The following SNX29 variants were observed in gnomAD, a reference collection of about 807,000 sequenced individuals.
SNX29 encodes sorting nexin 29.
In SNX29, 78 loss-of-function variants were observed where a neutral mutation model predicts 102.1. The observed-to-expected ratio is 0.76, with a 90% confidence interval of 0.64 to 0.92. The LOEUF (loss-of-function observed/expected upper bound fraction) is 0.92. SNX29 is among the 40% of genes least tolerant of loss of function. The pLI is 0.00. For synonymous variants in SNX29, 580 were observed against 414.5 expected, an observed-to-expected ratio of 1.40 and a Z score of -4.85; for missense variants, 1,280 against 1,061.7, an observed-to-expected ratio of 1.21 and a Z score of -2.86.
chr16:12,440,627 G>A (rs2085756701), intron 18 of SNX29, among the ~76,000 whole-genome samples: 1 of 152,036 alleles, frequency 6.6e-6, no homozygotes, highest in South Asian at 2.1e-4. Context: ...CCAGTGTGTG[G>A]TGTTTCCCTC....
At chr16:12,133,349 G>C (rs1346167906) in intron 13 of SNX29, among the ~76,000 whole-genome samples, 1 of 132,482 alleles carries the variant, frequency 7.5e-6, no homozygotes, top group Non-Finnish European at 1.5e-5. Flanking sequence ...GGAGTGCAGT[G>C]ATGCGATCTC....
chr16:12,566,641 G>C (rs921941057), intron 20 of SNX29, among the ~76,000 whole-genome samples: 5 of 152,206 alleles, frequency 3.3e-5, no homozygotes, highest in Admixed American at 6.5e-5. Context: ...CCTCCTTCCA[G>C]CATCTTTGAA....
At chr16:12,013,498 AAAATATATAT>A (rs1301423688) in intron 3 of SNX29, among the ~76,000 whole-genome samples, 501 of 33,504 alleles carry the variant, frequency 0.015, 55 homozygotes, top group African/African-American at 0.051. Flanking sequence ...GAAAAAAAAA[AAAATATATAT>A]ATATATATAT....
intron 11 of SNX29, chr16:12,081,714 A>T (rs1428872263): frequency 6.6e-6 from 1 of 152,078 alleles, no homozygotes; most frequent in Admixed American, 6.6e-5. Context: ...AAGAAAAGAA[A>T]AAAAAAGCTA....
rs780685011 is a variant in SNX29, at chr16:12,404,147, C to G, written c.2037+618C>G. Reference sequence around the variant, plus strand: ...GTCTGAGAGTGGGGAAAGGAGATTCCCCAAATGAGAGCCAGAGAATTCTTT... The same window carrying G: ...GTCTGAGAGTGGGGAAAGGAGATTCGCCAAATGAGAGCCAGAGAATTCTTT... On this transcript the variant is annotated intron_variant, in intron 18 of 20. Coordinates refer to ENST00000566228, the MANE Select transcript of SNX29 (RefSeq NM_032167.5). Among the ~76,000 whole-genome samples, 8 of 152,216 alleles carry G rather than the reference C, an allele frequency of 5.3e-5. No individual in the cohort carries two copies. The East Asian group carries it at 1.5e-3, about 29-fold the overall frequency.
chr16:12,549,093 G>A (rs1250809204), intron 20 of SNX29, among the ~76,000 whole-genome samples: 6 of 152,222 alleles, frequency 3.9e-5, no homozygotes, highest in Non-Finnish European at 7.3e-5. Context: ...CCCTGTTACA[G>A]TGTCATTTCT....
intron 19 of SNX29, among the ~76,000 whole-genome samples, chr16:12,492,905 C>G (rs886973672): frequency 2.6e-5 from 4 of 152,160 alleles, no homozygotes; most frequent in African/African-American, 9.7e-5. Flanking sequence ...TGTTTTGGTA[C>G]CAGTAAAATG....
intron 20 of SNX29, among the ~76,000 whole-genome samples, chr16:12,526,397 A>T (rs1248726233): frequency 6.6e-6 from 1 of 152,160 alleles, no homozygotes; most frequent in African/African-American, 2.4e-5. Context: ...TGTCTCCAAG[A>T]TGGTTGCTTA....
At chr16:12,025,603 C>G (rs1465521413) in intron 3 of SNX29, among the ~76,000 whole-genome samples, 1 of 152,130 alleles carries the variant, frequency 6.6e-6, no homozygotes, top group African/African-American at 2.4e-5. Context: ...CTAATAGGCT[C>G]CCTTCTGTGC....
chr16:12,254,249 C>G (rs569779865), intron 14 of SNX29, among the ~76,000 whole-genome samples: 4 of 152,078 alleles, frequency 2.6e-5, no homozygotes, highest in Non-Finnish European at 5.9e-5. Context: ...GTATTGAAAG[C>G]CCCAAAACTG....
intron 15 of SNX29, among the ~76,000 whole-genome samples, chr16:12,334,005 G>A (rs158467): frequency 6.6e-6 from 1 of 152,050 alleles, no homozygotes; most frequent in Non-Finnish European, 1.5e-5. Context: ...GCTGATGGGT[G>A]TGTTTGTTAA....
intron 14 of SNX29, among the ~76,000 whole-genome samples, chr16:12,230,903 G>C (rs979615163): frequency 1.2e-4 from 19 of 152,242 alleles, no homozygotes; most frequent in African/African-American, 4.6e-4. Context: ...CTGGAGTGCA[G>C]TGCCATGATC....
At chr16:12,297,008 G>A (rs1175761271) in intron 15 of SNX29, among the ~76,000 whole-genome samples, 1 of 152,224 alleles carries the variant, frequency 6.6e-6, no homozygotes, top group Non-Finnish European at 1.5e-5. Context: ...CCCCACAACT[G>A]TGATAATCAC....
At chr16:12,142,141 T>A (rs1001564856) in intron 13 of SNX29, among the ~76,000 whole-genome samples, 2 of 152,236 alleles carry the variant, frequency 1.3e-5, no homozygotes, top group Non-Finnish European at 2.9e-5. Context: ...TCCCTTTCAG[T>A]TGCCCCGATC....
intron 14 of SNX29, among the ~76,000 whole-genome samples, chr16:12,274,494 T>G (rs767265664): frequency 1.3e-5 from 2 of 152,114 alleles, no homozygotes; most frequent in African/African-American, 2.4e-5. Context: ...TCTCCTTTCT[T>G]GATCTCTTCT....
intron 14 of SNX29, among the ~76,000 whole-genome samples, chr16:12,230,557 G>A (rs1386314567): frequency 6.6e-6 from 1 of 152,170 alleles, no homozygotes; most frequent in Admixed American, 6.5e-5. Flanking sequence ...CAACATTAGG[G>A]GAAATGCCAA....
chr16:12,148,310 C>G (rs1028109457), intron 13 of SNX29, among the ~76,000 whole-genome samples: 1 of 152,108 alleles, frequency 6.6e-6, no homozygotes, highest in African/African-American at 2.4e-5. Flanking sequence ...GGCGACCTAG[C>G]GTGGGATAGG....
At chr16:12,220,217 C>T (rs2077439962) in intron 14 of SNX29, among the ~76,000 whole-genome samples, 1 of 151,302 alleles carries the variant, frequency 6.6e-6, no homozygotes, top group Non-Finnish European at 1.5e-5. Flanking sequence ...TCCAGGTGCT[C>T]AAACAGTTTA....
intron 13 of SNX29, chr16:12,135,535 G>A (rs1205645215): frequency 7.6e-7 from 1 of 1,321,708 alleles, no homozygotes; most frequent in Non-Finnish European, 9.9e-7. Flanking sequence ...AGTTCTCTTT[G>A]CTATTTTGTT....
Sources: gnomAD v4.1 joint callset for allele counts (sites outside exome capture counted in the v4.1 genomes callset) on GRCh38, gnomAD v4.1.1 for gene constraint, MANE v1.5 for transcripts, NCBI Gene and HGNC (gene_info 2026-07-23, HGNC 2026-07-21) for gene names.